ASXL3: variants seen among roughly 807,000 people sequenced by gnomAD.
ASXL3 encodes putative Polycomb group protein ASXL3.
A neutral mutation model predicts 170.6 loss-of-function variants in ASXL3; 34 were observed. The observed-to-expected ratio is 0.20, with a 90% CI of 0.15 to 0.27. The LOEUF is 0.27. Among genes scored for constraint, ASXL3 ranks in the 10% least tolerant of loss-of-function variants. The pLI is 1.00. For missense variants in ASXL3, 2,592 were observed against 2,695.3 expected (o/e 0.96, Z 0.85); for synonymous variants, 1,002 against 989.1 (o/e 1.01, Z -0.24).
Position 33,739,047 on chromosome 18 carries a change from C to T in ASXL3, c.1643C>T (p.Ser548Leu), listed in dbSNP as rs746173835. 6.2e-7 allele frequency: 1 copy of T among 1,613,380 alleles called. No homozygotes were observed. The highest frequency in any genetic ancestry group is 1.1e-5 in the South Asian group (1 of 90,958). Residue 548 changes from serine to leucine, a missense_variant, in exon 11 of 12, where the codon TCA becomes TTA. By Grantham distance (145) the Ser-to-Leu change is moderately radical. Coordinates refer to ENST00000269197, the MANE Select transcript of ASXL3 (RefSeq NM_030632.3). ...EVCDSLIPST[S>L]SMTHVSDTEH... ...TGTGACTCTCTTATTCCTTCCACTT[C>T]ATCTATGACTCATGTCAGTGACACA...
In ASXL3 at chr18:33,745,287, G is replaced by A. The variant is rs1256699698; in HGVS notation, c.5439G>A (p.Gly1813=). 6.2e-7 allele frequency: 1 copy of A among 1,613,852 alleles called. No homozygotes were observed. Among genetic ancestry groups the A allele is most frequent in the East Asian group, 2.2e-5 (1 of 44,878 alleles). Residue 1813 remains glycine (G), a synonymous_variant, in exon 12 of 12, where the codon GGG becomes GGA. Coordinates refer to ENST00000269197, the MANE Select transcript of ASXL3 (RefSeq NM_030632.3). ...PNPDGKGYLA[G]TLAPLQMRKR... ...CAGATGGTAAGGGCTACTTGGCAGG[G>A]ACTCTGGCACCACTCCAAATGAGAA...
chr18:33,704,612 T>C (rs1332376369), intron 8 of ASXL3, among the ~76,000 whole-genome samples: 4 of 152,048 alleles, frequency 2.6e-5, no homozygotes, highest in Non-Finnish European at 4.4e-5. Flanking sequence ...ATATGCAAAC[T>C]TAGAAAATGG....
chr18:33,745,958 C>G lies in ASXL3; in HGVS notation c.6110C>G (p.Pro2037Arg), dbSNP rs770483501. The G allele has an allele frequency of 1.4e-5, 22 of 1,544,938 alleles. No homozygotes were observed. Among genetic ancestry groups the G allele is most frequent in the Admixed American group, 1.9e-5 (1 of 51,768 alleles). Residue 2037 changes from proline (P) to arginine (R), a missense_variant, in exon 12 of 12, where the codon CCA becomes CGA. Pro to Arg is a moderately radical substitution (Grantham distance 103). Around this residue, in one of 4 missense-constraint regions of ASXL3, gnomAD observed 2,246 missense variants for 2,219.6 expected, o/e 1.01. Transcript: ENST00000269197. ...PPLALPPPPP[P>R]PPPLPPPLPN... ...TTGGCTTTGCCCCCGCCTCCCCCCC[C>G]ACCACCTCCGCTACCTCCACCTCTC... is the stretch of plus-strand genomic sequence containing the variant.
At chr18:33,630,684 A>G (rs2065664406) in intron 2 of ASXL3, among the ~76,000 whole-genome samples, 3 of 151,996 alleles carry the variant, frequency 2.0e-5, no homozygotes. Context: ...CATTCTGCTG[A>G]TCAAGGAATT....
In ASXL3 at chr18:33,607,610, C is replaced by A; in HGVS notation, c.71C>A (p.Pro24His). Reference protein sequence around the residue: ...EAARLALEKHPNSPMTAKQIL... With the variant: ...EAARLALEKHHNSPMTAKQIL... Reference sequence around the variant, plus strand: ...ATATTTTAGGCACTAGAAAAACACCCCAACTCACCAATGACAGCAAAGCAG... The same window carrying A: ...ATATTTTAGGCACTAGAAAAACACCACAACTCACCAATGACAGCAAAGCAG... The change falls in exon 2 of 12, where the codon CCC becomes CAC. Residue 24 changes from proline (P) to histidine (H), a missense_variant. By Grantham distance (77) the Pro-to-His change is moderately conservative (BLOSUM62 -2). This residue lies in a region of ASXL3 where 251 missense variants were observed against 281.9 expected (regional missense o/e 0.89). Coordinates refer to ENST00000269197, the MANE Select transcript of ASXL3 (RefSeq NM_030632.3). 6.3e-7 allele frequency: 1 copy of A among 1,587,696 alleles called. No individual in the cohort carries two copies. The highest frequency in any genetic ancestry group is 2.3e-5 in the East Asian group (1 of 43,732).
chr18:33,687,543 TA>T (rs1265463252), intron 8 of ASXL3, among the ~76,000 whole-genome samples: 6 of 152,210 alleles, frequency 3.9e-5, no homozygotes, highest in East Asian at 3.8e-4. Flanking sequence ...GAAGTAGTCC[TA>T]AAAGGGCCTC....
intron 1 of ASXL3, among the ~76,000 whole-genome samples, chr18:33,596,655 T>TC (rs1354728245): frequency 6.6e-6 from 1 of 152,230 alleles, no homozygotes; most frequent in Non-Finnish European, 1.5e-5. Context: ...TCAGATTGAA[T>TC]GATGAGTAAT....
rs115481134 is a variant in ASXL3, at chr18:33,740,203, G to T, written c.2799G>T (p.Arg933=). ...ATAAGCAAGGGAGTACACAGAGTCG[G>T]TTAGAAACCTCACATACTTCCAAGT... ...KTHKQGSTQS[R]LETSHTSKSS... Residue 933 remains arginine (R), a synonymous_variant, in exon 11 of 12, where the codon CGG becomes CGT. Coordinates refer to ENST00000269197, the MANE Select transcript of ASXL3 (RefSeq NM_030632.3). 2 of 1,613,874 alleles carry T rather than the reference G, an allele frequency of 1.2e-6. No individual in the cohort carries two copies. Among genetic ancestry groups the T allele is most frequent in the East Asian group, 4.5e-5 (2 of 44,884 alleles).
chr18:33,581,998 C>T (rs1490139235), intron 1 of ASXL3, among the ~76,000 whole-genome samples: 2 of 152,200 alleles, frequency 1.3e-5, no homozygotes, highest in East Asian at 3.8e-4. Flanking sequence ...CTCCCCTCCC[C>T]CACAGCCTTC....
intron 8 of ASXL3, among the ~76,000 whole-genome samples, chr18:33,710,319 C>T (rs751336732): frequency 1.2e-4 from 18 of 152,102 alleles, no homozygotes; most frequent in Admixed American, 2.6e-4. Flanking sequence ...GTTATTTTTC[C>T]CCCACTTGTA....
chr18:33,596,693 C>CT (rs2065130323), intron 1 of ASXL3, among the ~76,000 whole-genome samples: 2 of 152,060 alleles, frequency 1.3e-5, no homozygotes, highest in African/African-American at 4.8e-5. Context: ...TTCAGTCTTC[C>CT]TGTATTTTAT....
At chr18:33,728,827 T>C (rs147833178) in intron 8 of ASXL3, among the ~76,000 whole-genome samples, 1 of 152,324 alleles carries the variant, frequency 6.6e-6, no homozygotes, top group East Asian at 1.9e-4. Context: ...GTTACACAGC[T>C]ACCAAAGTCA....
intron 8 of ASXL3, among the ~76,000 whole-genome samples, chr18:33,722,007 T>A (rs2067269771): frequency 6.6e-6 from 1 of 152,040 alleles, no homozygotes; most frequent in Non-Finnish European, 1.5e-5. Flanking sequence ...CCAATGATAT[T>A]TTTTACTATC....
chr18:33,637,880 C>A (rs1268269046), intron 2 of ASXL3, among the ~76,000 whole-genome samples: 1 of 152,138 alleles, frequency 6.6e-6, no homozygotes, highest in Non-Finnish European at 1.5e-5. Context: ...TGCCTTTCTG[C>A]TGAGTCCCCT....
chr18:33,698,123 T>C (rs1274070138), intron 8 of ASXL3, among the ~76,000 whole-genome samples: 1 of 152,134 alleles, frequency 6.6e-6, no homozygotes, highest in Non-Finnish European at 1.5e-5. Context: ...ATGTGGGGCC[T>C]TTTGAGAAGT....
intron 8 of ASXL3, among the ~76,000 whole-genome samples, chr18:33,720,067 T>G (rs1045302264): frequency 3.3e-5 from 5 of 152,056 alleles, no homozygotes; most frequent in African/African-American, 1.2e-4. Context: ...CAGTTACCTT[T>G]GGGCATAGAT....
chr18:33,609,257 CAAAAG>C lies in ASXL3; in HGVS notation c.137+1588_137+1592del, dbSNP rs368447832. Among the ~76,000 whole-genome samples the C allele has an allele frequency of 4.9e-3, 740 of 151,980 alleles. 4 individuals are homozygous for C. Among genetic ancestry groups the C allele is most frequent in the Middle Eastern group, 0.024 (7 of 294 alleles). On this transcript the variant is annotated intron_variant, in intron 2 of 11. Transcript: ENST00000269197. ...GCACTGAAAATATTTGTGCCACAGT[CAAAAG>C]AAAAGAGGGGCTAAAAATCTAAGGA...
At chr18:33,625,538 T>C (rs2065589345) in intron 2 of ASXL3, among the ~76,000 whole-genome samples, 1 of 152,136 alleles carries the variant, frequency 6.6e-6, no homozygotes, top group South Asian at 2.1e-4. Flanking sequence ...GCATTATCCT[T>C]AGTGAGAGAC....
chr18:33,744,339 C>T lies in ASXL3; in HGVS notation c.4491C>T (p.Ser1497=). 1 of 1,614,032 alleles carries T rather than the reference C, an allele frequency of 6.2e-7. No individual in the cohort carries two copies. Among genetic ancestry groups the T allele is most frequent in the Non-Finnish European group, 8.5e-7 (1 of 1,179,890 alleles). Residue 1497 remains serine (S), a synonymous_variant, in exon 12 of 12, where the codon AGC becomes AGT. Transcript: ENST00000269197. ...LTVSVESSEA[S]LDLQGRPVRT... ...TCTCCGTTGAAAGCTCAGAAGCCAG[C>T]TTGGACCTGCAGGGCAGACCAGTGA...
Sources: gnomAD v4.1 joint callset for allele counts (sites outside exome capture counted in the v4.1 genomes callset) on GRCh38, gnomAD v4.1.1 for gene constraint, gnomAD v4.1.1 regional missense constraint, MANE v1.5 for transcripts, NCBI Gene and HGNC (gene_info 2026-07-23, HGNC 2026-07-21) for gene names.